The following DYTN variants were observed in gnomAD, a reference collection of about 807,000 sequenced individuals.
DYTN encodes dystrotelin.
In DYTN, 75 loss-of-function variants were observed where a neutral mutation model predicts 69.6. The observed-to-expected ratio is 1.08, with a 90% CI of 0.89 to 1.31. DYTN has a LOEUF of 1.31. Ranked by LOEUF, DYTN falls within the 50% of genes most tolerant of loss-of-function variation. The pLI is 0.00. For missense variants in DYTN, 726 were observed against 688.4 expected, an observed-to-expected ratio of 1.05 and a Z score of -0.61; for synonymous variants, 252 against 249.1, an observed-to-expected ratio of 1.01 and a Z score of -0.11.
At chr2:206,715,979 T>C (rs1215329144) in intron 1 of DYTN, among the ~76,000 whole-genome samples, 2 of 152,014 alleles carry the variant, frequency 1.3e-5, no homozygotes, top group African/African-American at 4.8e-5. Context: ...TCTCAGCTAC[T>C]TGGGAGGCTG....
intron 11 of DYTN, among the ~76,000 whole-genome samples, chr2:206,652,408 A>G (rs1699397711): frequency 6.6e-6 from 1 of 152,128 alleles, no homozygotes; most frequent in Admixed American, 6.5e-5. Context: ...AGTGTCCCCT[A>G]TGATCTGTCA....
chr2:206,662,688 T>C (rs1014099267), intron 11 of DYTN, among the ~76,000 whole-genome samples: 3 of 151,202 alleles, frequency 2.0e-5, no homozygotes, highest in African/African-American at 7.3e-5. Flanking sequence ...TATACTAAAG[T>C]CTTACATGGT....
intron 9 of DYTN, among the ~76,000 whole-genome samples, chr2:206,689,194 A>G (rs1344641885): frequency 6.6e-6 from 1 of 152,226 alleles, no homozygotes; most frequent in Non-Finnish European, 1.5e-5. Context: ...AGTGCAAACT[A>G]TCATGTGTAA....
chr2:206,691,200 G>A (rs1699858218), intron 9 of DYTN, among the ~76,000 whole-genome samples: 2 of 152,140 alleles, frequency 1.3e-5, no homozygotes, highest in Non-Finnish European at 2.9e-5. Flanking sequence ...ATCACTTGAG[G>A]TCAGGAGATC....
intron 9 of DYTN, among the ~76,000 whole-genome samples, chr2:206,683,377 T>C (rs551129734): frequency 7.4e-6 from 1 of 134,820 alleles, no homozygotes; most frequent in South Asian, 2.6e-4. Context: ...GGAGTCTCAC[T>C]CTGTCACCCA....
chr2:206,663,200 C>A lies in DYTN; in HGVS notation c.1336G>T (p.Ala446Ser). ...VDRSHRSHTN[A>S]EHALRNPESP... ...TCTGGATTTCGCAGAGCATGCTCTG[C>A]ATTTGTGTGACTTCTGTGACTTCTG... is the stretch of plus-strand genomic sequence containing the variant. Residue 446 changes from alanine (A) to serine (S), a missense_variant, in exon 11 of 12, where the codon GCA becomes TCA. Transcript: ENST00000452335. 6.2e-7 allele frequency: 1 copy of A among 1,613,960 alleles called. No individual in the cohort carries two copies. Among genetic ancestry groups the A allele is most frequent in the Non-Finnish European group, 8.5e-7 (1 of 1,179,892 alleles).
intron 11 of DYTN, among the ~76,000 whole-genome samples, chr2:206,652,306 T>C (rs58044448): frequency 0.029 from 4,399 of 152,270 alleles, 183 homozygotes; most frequent in African/African-American, 0.1. Flanking sequence ...CATTTATATT[T>C]ATTGTTAAGT....
intron 9 of DYTN, among the ~76,000 whole-genome samples, chr2:206,674,466 A>G (rs1040696035): frequency 6.6e-6 from 1 of 152,156 alleles, no homozygotes; most frequent in Non-Finnish European, 1.5e-5. Flanking sequence ...TAAAGCCTCC[A>G]GTGCCCAGGG....
chr2:206,676,564 C>A (rs1258230840), intron 9 of DYTN, among the ~76,000 whole-genome samples: 1 of 151,906 alleles, frequency 6.6e-6, no homozygotes, highest in Non-Finnish European at 1.5e-5. Context: ...CACATATATC[C>A]CAGAATTTAA....
intron 9 of DYTN, among the ~76,000 whole-genome samples, chr2:206,667,066 GTCAAGGTAATCAGGGCAATTCT>G (rs1699581396): frequency 2.0e-5 from 3 of 152,056 alleles, no homozygotes; most frequent in Admixed American, 2.0e-4. Context: ...GAACCAAGTA[GTCAAGGTAATCAGGGCAATTCT>G]TTAAAACAAA....
intron 8 of DYTN, 56 bp from the exon 9 acceptor site, chr2:206,693,379 C>A: frequency 6.4e-7 from 1 of 1,551,000 alleles, no homozygotes; most frequent in Non-Finnish European, 8.7e-7. Context: ...GTGTGGTCTT[C>A]CTTCCTTACT....
At chr2:206,670,539 T>G (rs1699619388) in intron 9 of DYTN, 1 of 152,250 alleles carries the variant, frequency 6.6e-6, no homozygotes, top group African/African-American at 2.4e-5. Context: ...CCTCGGCAGT[T>G]CATTCCTAGT....
At chr2:206,663,577 C>G (rs1699537539) in intron 10 of DYTN, among the ~76,000 whole-genome samples, 182 bp from the exon 11 acceptor site, 1 of 152,150 alleles carries the variant, frequency 6.6e-6, no homozygotes, top group African/African-American at 2.4e-5. Context: ...ACCTAAAACT[C>G]TCTACAAGAG....
intron 1 of DYTN, among the ~76,000 whole-genome samples, chr2:206,715,181 C>A (rs1212209477): frequency 6.6e-6 from 1 of 152,110 alleles, no homozygotes; most frequent in Admixed American, 6.5e-5. Context: ...TAGGAACAGG[C>A]AGGAGCTATT....
chr2:206,717,740 T>C (rs1700142889), intron 1 of DYTN, among the ~76,000 whole-genome samples: 1 of 152,180 alleles, frequency 6.6e-6, no homozygotes, highest in African/African-American at 2.4e-5. Context: ...CAAACAGATC[T>C]AGCAATAGAA....
intron 5 of DYTN, among the ~76,000 whole-genome samples, chr2:206,703,476 G>T (rs1283456141): frequency 2.6e-5 from 4 of 152,018 alleles, no homozygotes; most frequent in Non-Finnish European, 5.9e-5. Flanking sequence ...TACCAGTGCA[G>T]CTCAGAAGTA....
At chr2:206,692,103 C>G (rs1480564698) in intron 9 of DYTN, among the ~76,000 whole-genome samples, 3 of 151,818 alleles carry the variant, frequency 2.0e-5, no homozygotes, top group Non-Finnish European at 4.4e-5. Context: ...TAGTGAGACC[C>G]CCATCTCTAT....
chr2:206,665,753 AGAAGAGGCAAGG>A, intron 10 of DYTN, 105 bp downstream of exon 10: 2 of 1,250,724 alleles, frequency 1.6e-6, no homozygotes, highest in Non-Finnish European at 2.2e-6. Flanking sequence ...GGGTACGGGG[AGAAGAGGCAAGG>A]GAAGAGGCTG....
chr2:206,675,698 C>T (rs1253909523), intron 9 of DYTN, among the ~76,000 whole-genome samples: 1 of 152,100 alleles, frequency 6.6e-6, no homozygotes, highest in African/African-American at 2.4e-5. Flanking sequence ...TTAATTTTGG[C>T]ACCTTAGAAA....
Sources: allele counts gnomAD v4.1 joint callset (sites outside exome capture counted in the v4.1 genomes callset), GRCh38; gene constraint gnomAD v4.1.1; transcripts MANE v1.5; gene names NCBI Gene and HGNC (gene_info 2026-07-23, HGNC 2026-07-21).